SERP2: variants seen among roughly 807,000 people sequenced by gnomAD.
The protein encoded by SERP2 is stress-associated endoplasmic reticulum protein 2.
In SERP2, 6 loss-of-function variants were observed where a neutral mutation model predicts 9.1. The ratio of observed to expected loss-of-function variants is 0.66; its 90% CI spans 0.36 to 1.30. SERP2 has a LOEUF of 1.30. SERP2 is among the 50% of genes most tolerant of loss of function. The pLI is 0.03. For missense variants in SERP2, 58 were observed against 81.9 expected, an observed-to-expected ratio of 0.71 and a Z score of 1.13; for synonymous variants, 37 against 27.3, an observed-to-expected ratio of 1.35 and a Z score of -1.10.
chr13:44,394,356 C>T (rs1872960670), intron 2 of SERP2, among the ~76,000 whole-genome samples: 1 of 152,170 alleles, frequency 6.6e-6, no homozygotes, highest in Non-Finnish European at 1.5e-5. Context: ...ATCTCTTGAC[C>T]TCATGATCTG....
At chr13:44,376,274 T>G (rs1871641907) in intron 1 of SERP2, among the ~76,000 whole-genome samples, 2 of 152,234 alleles carry the variant, frequency 1.3e-5, no homozygotes, top group African/African-American at 4.8e-5. Flanking sequence ...TCAAATATGA[T>G]TATACTTTGT....
intron 2 of SERP2, among the ~76,000 whole-genome samples, chr13:44,390,136 T>C (rs1872548264): frequency 6.6e-6 from 1 of 152,206 alleles, no homozygotes; most frequent in African/African-American, 2.4e-5. Flanking sequence ...AGCATATGAC[T>C]GTGTATTGAA....
chr13:44,387,394 C>T (rs1872376903), intron 2 of SERP2, among the ~76,000 whole-genome samples: 1 of 152,196 alleles, frequency 6.6e-6, no homozygotes, highest in African/African-American at 2.4e-5. Context: ...CACAATATGG[C>T]TGGCAGGGCC....
At chr13:44,391,609 A>C (rs1182371670) in intron 2 of SERP2, among the ~76,000 whole-genome samples, 1 of 152,208 alleles carries the variant, frequency 6.6e-6, no homozygotes, top group Non-Finnish European at 1.5e-5. Flanking sequence ...ATACAATGCA[A>C]AGGACTGGTG....
chr13:44,391,559 T>C (rs1209313893), intron 2 of SERP2, among the ~76,000 whole-genome samples: 2 of 152,044 alleles, frequency 1.3e-5, no homozygotes, highest in African/African-American at 2.4e-5. Flanking sequence ...ATTTCAGCCA[T>C]GAAACAATGT....
Position 44,379,810 on chromosome 13 carries a change from G to C in SERP2, c.157+97G>C, listed in dbSNP as rs961873733. The C allele has an allele frequency of 7.6e-6, 6 of 788,730 alleles. 1 individual carries two copies. The highest frequency in any genetic ancestry group is 1.3e-5 in the Non-Finnish European group (6 of 479,164). 48.9% of individuals were successfully genotyped at this position (788,730 alleles called of 1,614,324 possible). On this transcript the variant is annotated intron_variant, in intron 2 of 2. Coordinates refer to ENST00000379179, the MANE Select transcript of SERP2 (RefSeq NM_001010897.3). The stretch of plus-strand genomic sequence containing the variant: ...AAGCAAATAGATGAAAAACATACTG[G>C]TATGGGATTCAAGTTTATCACTGCC...
intron 1 of SERP2, 56 bp downstream of exon 1, chr13:44,374,165 GGAAGGT>G: frequency 2.2e-4 from 60 of 267,184 alleles, no homozygotes; most frequent in Middle Eastern, 8.9e-4. Context: ...GGGGTGGGGC[GGAAGGT>G]GGGGGCGGGG....
intron 2 of SERP2, among the ~76,000 whole-genome samples, chr13:44,396,291 G>A (rs1378187466): frequency 6.6e-6 from 1 of 152,044 alleles, no homozygotes; most frequent in African/African-American, 2.4e-5. Context: ...GTTTCCTAGG[G>A]TTCTGGATAA....
chr13:44,384,231 TC>T (rs1275235654), intron 2 of SERP2, among the ~76,000 whole-genome samples: 3 of 152,150 alleles, frequency 2.0e-5, no homozygotes, highest in African/African-American at 7.2e-5. Context: ...TTTAGATCCG[TC>T]CCTGTTGCCA....
chr13:44,384,430 G>A (rs2138786663), intron 2 of SERP2, among the ~76,000 whole-genome samples: 1 of 152,244 alleles, frequency 6.6e-6, no homozygotes, highest in East Asian at 1.9e-4. Flanking sequence ...CTTTCTGGTA[G>A]GTGCTGGGAT....
At chr13:44,380,380 A>T (rs1438081111) in intron 2 of SERP2, among the ~76,000 whole-genome samples, 2 of 152,094 alleles carry the variant, frequency 1.3e-5, no homozygotes, top group African/African-American at 4.8e-5. Flanking sequence ...GCATGCCTTG[A>T]GGGATTCCCA....
intron 2 of SERP2, among the ~76,000 whole-genome samples, chr13:44,386,288 CA>C (rs1428495628): frequency 6.6e-6 from 1 of 152,166 alleles, no homozygotes; most frequent in Non-Finnish European, 1.5e-5. Flanking sequence ...TTATGAGATA[CA>C]AAAGCTTTGG....
chr13:44,395,473 G>T (rs907467584), intron 2 of SERP2, among the ~76,000 whole-genome samples: 2 of 151,882 alleles, frequency 1.3e-5, no homozygotes, highest in Non-Finnish European at 2.9e-5. Flanking sequence ...GCATGGTAGC[G>T]GGCACCTGTA....
chr13:44,392,196 C>CAAAAAAAAA (rs760513486), intron 2 of SERP2, among the ~76,000 whole-genome samples: 16,369 of 35,500 alleles, frequency 0.46, 6,575 homozygotes, highest in Middle Eastern at 0.65. Context: ...GACTCTGTCT[C>CAAAAAAAAA]AAAAAAAAAA....
chr13:44,383,513 G>A (rs1025595353), intron 2 of SERP2, among the ~76,000 whole-genome samples: 4 of 146,008 alleles, frequency 2.7e-5, no homozygotes, highest in Middle Eastern at 7.0e-3. Flanking sequence ...TAGGGATTGA[G>A]TATGTTAGCT....
intron 1 of SERP2, among the ~76,000 whole-genome samples, chr13:44,377,006 A>G (rs1871696380): frequency 6.6e-6 from 1 of 152,194 alleles, no homozygotes; most frequent in South Asian, 2.1e-4. Context: ...CACCTTTTCC[A>G]GCCATAGAGT....
intron 2 of SERP2, among the ~76,000 whole-genome samples, chr13:44,392,349 CAG>C (rs1000593766): frequency 3.3e-5 from 5 of 151,862 alleles, no homozygotes; most frequent in African/African-American, 1.2e-4. Context: ...AAGGCCTCAT[CAG>C]GGATTGGGCA....
chr13:44,379,247 T>C (rs925470485), intron 1 of SERP2, among the ~76,000 whole-genome samples: 1 of 152,190 alleles, frequency 6.6e-6, no homozygotes, highest in African/African-American at 2.4e-5. Context: ...ATGGAAATAA[T>C]AATACTTGCC....
rs1353334370 is a variant in SERP2, at chr13:44,384,688, A to G, written c.157+4975A>G. On this transcript the variant is annotated intron_variant, in intron 2 of 2. Transcript: ENST00000379179. ...TCTCCTTTGAACAAGATACACCCCT[A>G]TGCCAGGCTCAAGTTCCATTTCACC... Among the ~76,000 whole-genome samples the G allele has an allele frequency of 2.0e-5, 3 of 152,234 alleles. No individual in the cohort carries two copies. The East Asian group carries it at 5.8e-4, about 29-fold the overall frequency.
Sources: gnomAD v4.1 joint callset for allele counts (sites outside exome capture counted in the v4.1 genomes callset) on GRCh38, gnomAD v4.1.1 for gene constraint, MANE v1.5 for transcripts, NCBI Gene and HGNC (gene_info 2026-07-23, HGNC 2026-07-21) for gene names.